Variants in CR1L observed in about 807,000 individuals in gnomAD.
CR1L encodes complement C3b/C4b receptor 1 like.
A neutral mutation model predicts 62.3 loss-of-function variants in CR1L; 59 were observed. The ratio of observed to expected loss-of-function variants is 0.95; its 90% confidence interval spans 0.77 to 1.18. CR1L has a LOEUF of 1.18. Among genes scored for constraint, CR1L ranks in the 50% most tolerant of loss-of-function variants. The pLI, the probability that CR1L is intolerant of heterozygous loss-of-function variation, is 0.00. For synonymous variants in CR1L, 279 were observed against 248.7 expected, an observed-to-expected ratio of 1.12 and a Z score of -1.15; for missense variants, 700 against 702.8, an observed-to-expected ratio of 1.00 and a Z score of 0.04.
At chr1:207,652,282 C>G (rs6702222) in intron 1 of CR1L, among the ~76,000 whole-genome samples, 1 of 151,962 alleles carries the variant, frequency 6.6e-6, no homozygotes, top group Non-Finnish European at 1.5e-5. Context: ...TATTTTAAGA[C>G]CAAAGACATT....
chr1:207,706,013 G>GTGTA (rs1439643752), intron 9 of CR1L, among the ~76,000 whole-genome samples: 3 of 133,574 alleles, frequency 2.2e-5, no homozygotes, highest in East Asian at 2.0e-4. Flanking sequence ...GTGTGTGTAT[G>GTGTA]TATATATATA....
At chr1:207,664,655 T>C (rs1408461662) in intron 1 of CR1L, among the ~76,000 whole-genome samples, 1 of 152,194 alleles carries the variant, frequency 6.6e-6, no homozygotes, top group Admixed American at 6.5e-5. Flanking sequence ...CTATAAGCAT[T>C]TCATAAAGTG....
At chr1:207,699,652 T>G (rs1048487209) in intron 8 of CR1L, among the ~76,000 whole-genome samples, 4 of 152,190 alleles carry the variant, frequency 2.6e-5, no homozygotes, top group African/African-American at 9.7e-5. Context: ...TCCTTCTTTT[T>G]CATTTTGTTC....
chr1:207,659,957 T>A (rs184536804), intron 1 of CR1L, among the ~76,000 whole-genome samples: 44 of 152,278 alleles, frequency 2.9e-4, no homozygotes, highest in Admixed American at 8.5e-4. Context: ...GGGAGGAGCG[T>A]CCGACATTGC....
At chr1:207,683,132 C>T (rs1663832111) in intron 3 of CR1L, among the ~76,000 whole-genome samples, 2 of 149,930 alleles carry the variant, frequency 1.3e-5, no homozygotes, top group South Asian at 4.2e-4. Flanking sequence ...CTCTCTCTCT[C>T]TACCCCGCCC....
intron 4 of CR1L, among the ~76,000 whole-genome samples, chr1:207,686,235 A>C (rs1663910534): frequency 7.6e-6 from 1 of 131,618 alleles, no homozygotes. Flanking sequence ...TCTTTACCAC[A>C]CGGCTAGGAC....
At chr1:207,690,183 TTAGA>T (rs892802353) in intron 4 of CR1L, among the ~76,000 whole-genome samples, 13 of 152,262 alleles carry the variant, frequency 8.5e-5, no homozygotes, top group African/African-American at 2.9e-4. Context: ...TTGATATTGA[TTAGA>T]TAATTTGTTT....
intron 10 of CR1L, among the ~76,000 whole-genome samples, chr1:207,714,693 C>T (rs1186169135): frequency 6.6e-6 from 1 of 152,052 alleles, no homozygotes; most frequent in African/African-American, 2.4e-5. Flanking sequence ...TAATGATTTC[C>T]AATTTCAGAA....
At chr1:207,676,417 C>G (rs891584726) in intron 1 of CR1L, among the ~76,000 whole-genome samples, 1 of 152,154 alleles carries the variant, frequency 6.6e-6, no homozygotes, top group Admixed American at 6.5e-5. Context: ...TGTCAGATCA[C>G]TGGCAGCATT....
intron 10 of CR1L, among the ~76,000 whole-genome samples, chr1:207,708,619 T>TAGTA (rs1188437034): frequency 6.6e-6 from 1 of 152,230 alleles, no homozygotes; most frequent in Non-Finnish European, 1.5e-5. Flanking sequence ...TGCAAGCTGT[T>TAGTA]AGTATCACAT....
chr1:207,717,219 G>A (rs542168269), intron 10 of CR1L, among the ~76,000 whole-genome samples: 98 of 152,222 alleles, frequency 6.4e-4, no homozygotes, highest in African/African-American at 2.1e-3. Flanking sequence ...AATTCATTAT[G>A]AACGTAGCTA....
At chr1:207,719,598 G>A (rs1007831119) in intron 11 of CR1L, among the ~76,000 whole-genome samples, 4 of 152,094 alleles carry the variant, frequency 2.6e-5, no homozygotes, top group Admixed American at 1.3e-4. Flanking sequence ...GTGCATGCCT[G>A]TAGTCACAGC....
At chr1:207,650,229 C>T (rs1385808677) in intron 1 of CR1L, among the ~76,000 whole-genome samples, 1 of 152,096 alleles carries the variant, frequency 6.6e-6, no homozygotes, top group Non-Finnish European at 1.5e-5. Context: ...TATATATTCT[C>T]CCAGGGGGAC....
rs1202785955 is a variant in CR1L, at chr1:207,677,564, C to A, written c.273C>A (p.Cys91Ter). 3.7e-6 allele frequency: 6 copies of A among 1,612,696 alleles called. No individual in the cohort carries two copies. The highest frequency in any genetic ancestry group is 5.1e-6 in the Non-Finnish European group (6 of 1,179,440). Residue 91 changes from cysteine (C) to a stop codon, truncating the protein, a stop_gained, in exon 2 of 12, where the codon TGC (cysteine) becomes TGA (stop). Coordinates refer to ENST00000508064, the MANE Select transcript of CR1L (RefSeq NM_175710.2). LOFTEE classifies it high-confidence loss of function. ...TCTGGACAAGTGCTAAGGACAAGTG[C>A]AAACGTAAGTAACTCTGGAGTGGGA... Reference protein sequence around the residue: ...NSVWTSAKDKCKRKSCRNPPD... With the variant: ...NSVWTSAKDK
intron 1 of CR1L, among the ~76,000 whole-genome samples, chr1:207,670,562 G>C (rs1347213373): frequency 6.6e-6 from 1 of 150,810 alleles, no homozygotes; most frequent in Non-Finnish European, 1.5e-5. Context: ...GACAGTTTTG[G>C]TTGTTTTGGT....
chr1:207,646,427 TA>T (rs1007990396), intron 1 of CR1L, among the ~76,000 whole-genome samples: 3 of 152,098 alleles, frequency 2.0e-5, no homozygotes, highest in Non-Finnish European at 4.4e-5. Context: ...AAATGCATGC[TA>T]GGCCAGGCCC....
chr1:207,675,953 G>A (rs987799559), intron 1 of CR1L, among the ~76,000 whole-genome samples: 1 of 152,158 alleles, frequency 6.6e-6, no homozygotes, highest in African/African-American at 2.4e-5. Flanking sequence ...TTGACGTGGC[G>A]ACAGACTTCC....
At chr1:207,676,236 T>G (rs114189772) in intron 1 of CR1L, among the ~76,000 whole-genome samples, 11 of 152,240 alleles carry the variant, frequency 7.2e-5, no homozygotes, top group African/African-American at 2.6e-4. Flanking sequence ...ACTTTTTAAA[T>G]GGATGGATGC....
At chr1:207,671,098 G>A (rs896287592) in intron 1 of CR1L, among the ~76,000 whole-genome samples, 8 of 150,982 alleles carry the variant, frequency 5.3e-5, no homozygotes. Context: ...TGGGGCTGTG[G>A]ACCCAGCAAC....
Sources: gnomAD v4.1 joint callset for allele counts (sites outside exome capture counted in the v4.1 genomes callset) on GRCh38, gnomAD v4.1.1 for gene constraint, MANE v1.5 for transcripts, NCBI Gene and HGNC (gene_info 2026-07-23, HGNC 2026-07-21) for gene names.